Variants in DMD observed in about 807,000 individuals in gnomAD.
The protein encoded by DMD is dystrophin, also known as mutant dystrophin.
DMD carries 63 observed loss-of-function variants against 330.1 expected under a neutral mutation model. That is an observed-to-expected ratio of 0.19 (90% CI 0.16 to 0.24). The LOEUF is 0.24. Among genes scored for constraint, DMD ranks in the 10% least tolerant of loss-of-function variants. The pLI is 1.00. For missense variants in DMD, 3,344 were observed against 2,684.1 expected (o/e 1.25, Z -5.43); for synonymous variants, 1,223 against 959.8 (o/e 1.27, Z -5.07).
intron 42 of DMD, 127 bp from the exon 43 acceptor site, chrX:32,287,828 T>G: frequency 2.1e-6 from 1 of 465,294 alleles, no homozygotes; most frequent in Non-Finnish European, 3.3e-6. Flanking sequence ...ATTGACTTTT[T>G]AAAGTTAATA....
At chrX:32,797,783 A>G (rs969877864) in intron 7 of DMD, among the ~76,000 whole-genome samples, 1 of 110,873 alleles carries the variant, frequency 9.0e-6, no homozygotes, top group Middle Eastern at 4.7e-3. Context: ...TGTATAGGCC[A>G]AGGATATTGT....
intron 2 of DMD, among the ~76,000 whole-genome samples, chrX:32,998,431 G>A (rs1443517520): frequency 9.5e-6 from 1 of 105,293 alleles, no homozygotes; most frequent in African/African-American, 3.4e-5. Flanking sequence ...CTTCCCCTAT[G>A]CAATGTGTTT....
intron 44 of DMD, among the ~76,000 whole-genome samples, chrX:32,179,541 C>T (rs980127042): frequency 2.2e-4 from 25 of 112,243 alleles, no homozygotes; most frequent in Non-Finnish European, 2.3e-4. Flanking sequence ...AAACACTGTC[C>T]TTACAAAGAA....
At chrX:32,313,595 GA>G (rs2097572309) in intron 41 of DMD, among the ~76,000 whole-genome samples, 1 of 111,365 alleles carries the variant, frequency 9.0e-6, no homozygotes, top group Non-Finnish European at 1.9e-5. Context: ...CAAATAGGAA[GA>G]GAGGAAGTCA....
At chrX:33,138,709 G>A (rs2047644110) in intron 1 of DMD, among the ~76,000 whole-genome samples, 1 of 110,322 alleles carries the variant, frequency 9.1e-6, no homozygotes, top group East Asian at 2.9e-4. Flanking sequence ...ATAGATTATT[G>A]TCATTTCAAG....
At chrX:33,245,044 T>C (rs1292482492) in intron 1 of DMD, among the ~76,000 whole-genome samples, 1 of 111,802 alleles carries the variant, frequency 8.9e-6, no homozygotes, top group Non-Finnish European at 1.9e-5. Flanking sequence ...GTATATTTCA[T>C]TTTCAAATAT....
At chrX:32,946,231 A>G (rs1333022465) in intron 2 of DMD, among the ~76,000 whole-genome samples, 1 of 111,521 alleles carries the variant, frequency 9.0e-6, no homozygotes, top group Admixed American at 9.6e-5. Flanking sequence ...TTCTTTGATT[A>G]CAGCTTTGTT....
At chrX:32,050,972 C>CTTTTTTTTTTTTTTTTTT (rs1569536965) in intron 44 of DMD, among the ~76,000 whole-genome samples, 1 of 64,280 alleles carries the variant, frequency 1.6e-5, no homozygotes, top group African/African-American at 8.5e-5. Flanking sequence ...GGCTAACTTC[C>CTTTTTTTTTTTTTTTTTT]TCTTTTTTTT....
At chrX:32,407,674 G>T (rs902438929) in intron 30 of DMD, among the ~76,000 whole-genome samples, 1 of 110,370 alleles carries the variant, frequency 9.1e-6, no homozygotes. Flanking sequence ...ACATGCACAC[G>T]TATGTTTATT....
At chrX:32,460,136 G>A (rs1431240188) in intron 25 of DMD, among the ~76,000 whole-genome samples, 1 of 110,491 alleles carries the variant, frequency 9.1e-6, no homozygotes, top group African/African-American at 3.3e-5. Context: ...TTCCACATCG[G>A]TAATCATCAA....
chrX:31,453,350 TG>T (rs1217760337), intron 59 of DMD, among the ~76,000 whole-genome samples: 7 of 110,498 alleles, frequency 6.3e-5, no homozygotes, highest in African/African-American at 2.3e-4. Flanking sequence ...TTAGTAGAGA[TG>T]GGGTTTTACC....
At position 32,516,037 on chromosome X, in the gene DMD, A is replaced by G. The variant is rs759744882; in HGVS notation, c.2292+1971T>C. Among the ~76,000 whole-genome samples the G allele has an allele frequency of 1.3e-3, 141 of 111,273 alleles. 1 individual carries two copies. Among genetic ancestry groups the G allele is most frequent in the African/African-American group, 4.2e-3 (129 of 30,732 alleles). ...CTGGCTAAAAGCATTTGAAAGGAGT[A>G]AATGAAGAAATCAAGTGAAAAAAAA... is the stretch of plus-strand genomic sequence containing the variant. On this transcript the variant is annotated intron_variant, in intron 18 of 78. Coordinates refer to ENST00000357033, the MANE Select transcript of DMD (RefSeq NM_004006.3).
Position 32,400,315 on chromosome X carries a change from A to C in DMD, c.4234-10134T>G, listed in dbSNP as rs1471796730. ...GCATCCCAAGGATGAAGCCCACTTG[A>C]TCATGGTGGATAAGCTTTTTGATGT... On this transcript the variant is annotated intron_variant, in intron 30 of 78. Transcript: ENST00000357033. Among the ~76,000 whole-genome samples, 3 of 111,416 alleles carry C rather than the reference A, an allele frequency of 2.7e-5. No homozygotes were observed. The East Asian group carries it at 8.5e-4, about 31-fold the overall frequency.
At chrX:32,460,044 T>C (rs1050766168) in intron 25 of DMD, among the ~76,000 whole-genome samples, 2 of 110,350 alleles carry the variant, frequency 1.8e-5, no homozygotes, top group African/African-American at 3.3e-5. Context: ...GTGGATGTGA[T>C]GGGATTCAAA....
At chrX:31,565,771 T>C (rs1415400173) in intron 55 of DMD, among the ~76,000 whole-genome samples, 1 of 112,358 alleles carries the variant, frequency 8.9e-6, no homozygotes, top group East Asian at 2.8e-4. Context: ...ACATCCTTGC[T>C]AGCATCTGGT....
At chrX:32,852,954 T>TA (rs1290433512) in intron 2 of DMD, among the ~76,000 whole-genome samples, 1 of 111,682 alleles carries the variant, frequency 9.0e-6, no homozygotes, top group African/African-American at 3.3e-5. Context: ...AAGTCAAGGA[T>TA]AAAGACAGGA....
chrX:31,818,903 G>A (rs2092694235), intron 50 of DMD, among the ~76,000 whole-genome samples: 1 of 110,946 alleles, frequency 9.0e-6, no homozygotes, highest in South Asian at 3.8e-4. Context: ...TTATGATTGT[G>A]CTACCCCAGC....
At chrX:31,312,229 G>A (rs753900845) in intron 62 of DMD, among the ~76,000 whole-genome samples, 19 of 112,132 alleles carry the variant, frequency 1.7e-4, no homozygotes, top group Non-Finnish European at 3.4e-4. Context: ...CTAATATCCA[G>A]AATTTACAAG....
chrX:32,485,149 T>C (rs765859277), intron 20 of DMD, 50 bp from the exon 21 acceptor site: 2 of 1,149,197 alleles, frequency 1.7e-6, no homozygotes, highest in South Asian at 3.6e-5. Context: ...TTGCATACAT[T>C]ACATTTTGCA....
Sources: allele counts gnomAD v4.1 joint callset (sites outside exome capture counted in the v4.1 genomes callset), GRCh38; gene constraint gnomAD v4.1.1; transcripts MANE v1.5; gene names NCBI Gene and HGNC (gene_info 2026-07-23, HGNC 2026-07-21).